The following VPS13D variants were observed in gnomAD, a reference collection of about 807,000 sequenced individuals.
VPS13D encodes the protein intermembrane lipid transfer protein VPS13D.
In VPS13D, 187 loss-of-function variants were observed where a neutral mutation model predicts 461.9. That is an observed-to-expected ratio of 0.40 (90% CI 0.36 to 0.46). The LOEUF is 0.46. Ranked by LOEUF, VPS13D falls within the 20% of genes least tolerant of loss-of-function variation. The pLI, the probability that VPS13D is intolerant of heterozygous loss-of-function variation, is 0.60. For missense variants in VPS13D, 4,711 were observed against 5,364.9 expected, an observed-to-expected ratio of 0.88 and a Z score of 3.81; for synonymous variants, 1,951 against 1,986.3, an observed-to-expected ratio of 0.98 and a Z score of 0.47.
chr1:12,252,924 C>G (rs1435595171), intron 6 of VPS13D, among the ~76,000 whole-genome samples: 1 of 151,626 alleles, frequency 6.6e-6, no homozygotes. Context: ...TTTGGGAGGC[C>G]GAGACGGGTG....
chr1:12,443,176 T>C (rs1645150600), intron 65 of VPS13D, among the ~76,000 whole-genome samples: 1 of 152,230 alleles, frequency 6.6e-6, no homozygotes, highest in African/African-American at 2.4e-5. Context: ...CTGTTTACAG[T>C]TTTACCAAAC....
intron 1 of VPS13D, among the ~76,000 whole-genome samples, chr1:12,233,970 C>T (rs995700337): frequency 4.6e-5 from 7 of 152,156 alleles, no homozygotes; most frequent in African/African-American, 1.7e-4. Context: ...ATCGCTTGAA[C>T]CCGGGAGGCA....
chr1:12,482,215 G>C (rs986809822), intron 67 of VPS13D, among the ~76,000 whole-genome samples: 2 of 152,180 alleles, frequency 1.3e-5, no homozygotes, highest in African/African-American at 4.8e-5. Context: ...CTTGGGAGAC[G>C]AGGCATAGAT....
chr1:12,506,155 G>A (rs971762364), intron 68 of VPS13D, among the ~76,000 whole-genome samples: 2 of 152,232 alleles, frequency 1.3e-5, no homozygotes, highest in Non-Finnish European at 2.9e-5. Flanking sequence ...TGTTCCCAAG[G>A]TTCACTGCTC....
rs116043887 is a variant in VPS13D, at chr1:12,404,555, C to T, written c.12030+582C>T. Among the ~76,000 whole-genome samples the T allele has an allele frequency of 7.1e-3, 1,088 of 152,324 alleles. 9 individuals carry two copies. Among genetic ancestry groups the T allele is most frequent in the Non-Finnish European group, 9.8e-3 (669 of 68,020 alleles). ...CATCTTGATGACTACTTACTAGACA[C>T]AGCCTGAACACCGTCTTCATTTTCA... On this transcript the variant is annotated intron_variant, in intron 63 of 69. Transcript: ENST00000620676.
intron 38 of VPS13D, among the ~76,000 whole-genome samples, chr1:12,334,107 TGAGGCTGTTA>T (rs1309014044): frequency 6.6e-6 from 1 of 152,242 alleles, no homozygotes; most frequent in Admixed American, 6.5e-5. Flanking sequence ...TATGTTGGAT[TGAGGCTGTTA>T]GAATATCCAC....
Position 12,354,396 on chromosome 1 carries a change from C to T in VPS13D, c.9679+175C>T, listed in dbSNP as rs572423502. Among the ~76,000 whole-genome samples, 328 of 152,136 alleles carry T rather than the reference C, an allele frequency of 2.2e-3. 2 individuals carry two copies. The highest frequency in any genetic ancestry group is 7.4e-3 in the African/African-American group (307 of 41,506). ...AAAAATAACCTTTAGCTAGAGGTGG[C>T]GGCAGTACATGCCTGTAGTCCCAGC... On this transcript the variant is annotated intron_variant, in intron 47 of 69. Coordinates refer to ENST00000620676, the MANE Select transcript of VPS13D (RefSeq NM_015378.4).
chr1:12,245,000 C>T (rs1199770891), intron 5 of VPS13D, among the ~76,000 whole-genome samples: 1 of 152,186 alleles, frequency 6.6e-6, no homozygotes, highest in Non-Finnish European at 1.5e-5. Context: ...TCTCTGGTCT[C>T]AGTTTCTTCA....
chr1:12,446,861 A>G (rs1645199016), intron 65 of VPS13D, among the ~76,000 whole-genome samples: 1 of 152,232 alleles, frequency 6.6e-6, no homozygotes. Context: ...TAAATGGTAC[A>G]TACTAGTAAT....
intron 67 of VPS13D, among the ~76,000 whole-genome samples, chr1:12,466,242 A>G (rs1297627788): frequency 6.6e-6 from 1 of 152,172 alleles, no homozygotes; most frequent in Non-Finnish European, 1.5e-5. Flanking sequence ...GAGAGCAGCC[A>G]TTTCTTATAC....
At chr1:12,366,411 C>T (rs1261661919) in intron 52 of VPS13D, among the ~76,000 whole-genome samples, 2 of 152,160 alleles carry the variant, frequency 1.3e-5, no homozygotes, top group Admixed American at 6.5e-5. Context: ...CTCTAGCACT[C>T]TCATCCCTAC....
At chr1:12,504,729 C>T (rs1646081606) in intron 68 of VPS13D, among the ~76,000 whole-genome samples, 1 of 152,218 alleles carries the variant, frequency 6.6e-6, no homozygotes, top group Non-Finnish European at 1.5e-5. Flanking sequence ...ACCCCTCCTC[C>T]AGAAGTGGTT....
At chr1:12,352,292 A>G (rs1017645116) in intron 46 of VPS13D, among the ~76,000 whole-genome samples, 2 of 152,138 alleles carry the variant, frequency 1.3e-5, no homozygotes, top group Non-Finnish European at 2.9e-5. Flanking sequence ...CTCTGTCTCA[A>G]AAAAATAAAG....
chr1:12,341,647 G>A (rs936423463), intron 40 of VPS13D, 133 bp from the exon 41 acceptor site: 2 of 735,908 alleles, frequency 2.7e-6, no homozygotes, highest in Non-Finnish European at 4.5e-6. Context: ...CATTTGTCCT[G>A]TTCCTTCTTT....
intron 1 of VPS13D, among the ~76,000 whole-genome samples, chr1:12,231,609 C>T (rs1043337363): frequency 1.4e-4 from 21 of 152,178 alleles, no homozygotes; most frequent in Non-Finnish European, 2.6e-4. Context: ...GTACTCTGAC[C>T]TTGGCTTCTT....
intron 63 of VPS13D, among the ~76,000 whole-genome samples, chr1:12,404,525 TAG>T (rs1274774535): frequency 6.6e-6 from 1 of 152,234 alleles, no homozygotes; most frequent in African/African-American, 2.4e-5. Flanking sequence ...ATGAAGCCCT[TAG>T]ACCATCTTGA....
At chr1:12,287,811 A>T (rs1642016286) in intron 21 of VPS13D, among the ~76,000 whole-genome samples, 1 of 152,168 alleles carries the variant, frequency 6.6e-6, no homozygotes, top group Non-Finnish European at 1.5e-5. Flanking sequence ...ATTTGTTCAG[A>T]GGCAGTAAAT....
In VPS13D at chr1:12,282,087, C is replaced by T. The variant is rs187042504; in HGVS notation, c.4603-618C>T. On this transcript the variant is annotated intron_variant, in intron 20 of 69. Transcript: ENST00000620676. Reference sequence around the variant, plus strand: ...TTTTTTGTAGAGACAAGAGTTTCACCATGTAGCCCAAGCTGGTCTTGAACT... The same window carrying T: ...TTTTTTGTAGAGACAAGAGTTTCACTATGTAGCCCAAGCTGGTCTTGAACT... Among the ~76,000 whole-genome samples, 113 of 152,212 alleles carry T rather than the reference C, an allele frequency of 7.4e-4. 2 individuals carry two copies. The highest frequency in any genetic ancestry group is 2.6e-3 in the African/African-American group (106 of 41,522).
intron 55 of VPS13D, among the ~76,000 whole-genome samples, chr1:12,376,829 A>C (rs1353317200): frequency 6.6e-6 from 1 of 152,078 alleles, no homozygotes; most frequent in Non-Finnish European, 1.5e-5. Context: ...TGTAGGTGTG[A>C]CTGAAAAGGA....
Sources: allele counts gnomAD v4.1 joint callset (sites outside exome capture counted in the v4.1 genomes callset), GRCh38; gene constraint gnomAD v4.1.1; transcripts MANE v1.5; gene names NCBI Gene and HGNC (gene_info 2026-07-23, HGNC 2026-07-21).